SLC1A4: variants seen among roughly 807,000 people sequenced by gnomAD.
SLC1A4 encodes neutral amino acid transporter A.
Under a neutral mutation model 37.7 loss-of-function variants are expected in SLC1A4, and 19 were observed. The observed-to-expected ratio is 0.50, with a 90% CI of 0.35 to 0.74. SLC1A4 has a LOEUF of 0.74. Among genes scored for constraint, SLC1A4 ranks in the 30% least tolerant of loss-of-function variants. SLC1A4 has a pLI of 0.01. For synonymous variants in SLC1A4, 299 were observed against 309.8 expected, an observed-to-expected ratio of 0.97 and a Z score of 0.37; for missense variants, 570 against 712.9, an observed-to-expected ratio of 0.80 and a Z score of 2.28.
chr2:65,000,122 G>T (rs1673404631), intron 1 of SLC1A4: 1 of 152,186 alleles, frequency 6.6e-6, no homozygotes, highest in South Asian at 2.1e-4. Context: ...AAATTGTTAA[G>T]AATGATCCAG....
chr2:65,018,529 C>T lies in SLC1A4; in HGVS notation c.1230-16C>T. 1.2e-6 allele frequency: 2 copies of T among 1,613,710 alleles called. No individual in the cohort carries two copies. Among genetic ancestry groups the T allele is most frequent in the Non-Finnish European group, 1.7e-6 (2 of 1,179,822 alleles). On this transcript the variant is annotated splice_polypyrimidine_tract_variant and intron_variant, in intron 6 of 7. Coordinates refer to ENST00000234256, the MANE Select transcript of SLC1A4 (RefSeq NM_003038.5). The surrounding 1 kb of genome is among the most constrained non-coding windows in gnomAD (Gnocchi z 4.3). ...CGCTCTATGTTAATGGCTGGCCCTG[C>T]TCTGCCATCCCTTAGAGTGACTGCC...
Position 64,989,717 on chromosome 2 carries a change from C to A in SLC1A4, c.74C>A (p.Pro25Gln). ...QAGPAAGPGAPGTAAGRARRC... is the reference protein window; with the variant it reads ...QAGPAAGPGAQGTAAGRARRC... ...GGGCCTGCGGCCGGGCCCGGAGCTC[C>A]GGGGACCGCGGCGGGACGCGCACGG... is the stretch of plus-strand genomic sequence containing the variant. The change falls in exon 1 of 8, where the codon CCG becomes CAG. Residue 25 changes from proline (P) to glutamine (Q), a missense_variant. Transcript: ENST00000234256. The A allele has an allele frequency of 1.3e-6, 2 of 1,496,908 alleles. No homozygotes were observed. The highest frequency in any genetic ancestry group is 2.8e-5 in the East Asian group (1 of 35,806). 92.7% of individuals were successfully genotyped at this position (1,496,908 alleles called of 1,614,324 possible).
At chr2:64,989,341 G>C (rs922921612), upstream of SLC1A4, 1 of 262,122 alleles carries the variant, frequency 3.8e-6, no homozygotes, top group African/African-American at 2.2e-5. Context: ...GGCTGGGGCC[G>C]CTGGCGCGCC....
rs989190843 is a variant in SLC1A4 at position 65,010,616 on chromosome 2, T to C, written c.653T>C (p.Ile218Thr). The C allele has an allele frequency of 6.2e-7, 1 of 1,612,532 alleles. No individual in the cohort carries two copies. The highest frequency in any genetic ancestry group is 8.5e-7 in the Non-Finnish European group (1 of 1,179,234). Residue 218 changes from isoleucine to threonine, a missense_variant, in exon 4 of 8, where the codon ATA (isoleucine) becomes ACA (threonine). By Grantham distance (89) the Ile-to-Thr change is moderately conservative. Coordinates refer to ENST00000234256, the MANE Select transcript of SLC1A4 (RefSeq NM_003038.5). ...THEKIPIGTE[I>T]EGMNILGLVL... ...CTGCAGATCCCCATAGGCACTGAGA[T>C]AGAAGGGATGAACATTTTAGGATTG...
In SLC1A4 at chr2:65,018,680, G is replaced by T. The variant is rs1558529034; in HGVS notation, c.1364+1G>T. On this transcript the variant is annotated splice_donor_variant, in intron 7 of 7. Coordinates refer to ENST00000234256, the MANE Select transcript of SLC1A4 (RefSeq NM_003038.5). LOFTEE classifies it high-confidence loss of function. The surrounding 1 kb of genome is among the most constrained non-coding windows in gnomAD (Gnocchi z 4.3). Reference sequence around the variant, plus strand: ...TGATCCTGGCTGTGGACTGGATTGTGTAAGTAACAAGTCCTGAGAACACCA... The same window carrying T: ...TGATCCTGGCTGTGGACTGGATTGTTTAAGTAACAAGTCCTGAGAACACCA... 6.2e-7 allele frequency: 1 copy of T among 1,614,140 alleles called. No homozygotes were observed. The highest frequency in any genetic ancestry group is 8.5e-7 in the Non-Finnish European group (1 of 1,180,010).
chr2:64,999,599 C>T (rs1021428588), intron 1 of SLC1A4: 2 of 151,958 alleles, frequency 1.3e-5, no homozygotes, highest in Non-Finnish European at 2.9e-5. Context: ...AGGCTGCAAT[C>T]GGAGGTGTTG....
At chr2:65,014,573 A>G (rs1306455330) in intron 4 of SLC1A4, among the ~76,000 whole-genome samples, 1 of 152,228 alleles carries the variant, frequency 6.6e-6, no homozygotes, top group Admixed American at 6.5e-5. Context: ...TATGACAACC[A>G]AACTGTCTTC....
At chr2:65,004,483 T>G (rs1433717460) in intron 3 of SLC1A4, among the ~76,000 whole-genome samples, 1 of 151,908 alleles carries the variant, frequency 6.6e-6, no homozygotes, top group Non-Finnish European at 1.5e-5. Context: ...GACAAGAGTT[T>G]CACCATGTTG....
At chr2:65,015,726 T>C (rs958460606) in intron 4 of SLC1A4, among the ~76,000 whole-genome samples, 8 of 152,234 alleles carry the variant, frequency 5.3e-5, no homozygotes, top group Admixed American at 1.3e-4. Flanking sequence ...TTTGTACCCC[T>C]TGAAATTTGA....
At chr2:64,995,100 C>T (rs1673202669) in intron 1 of SLC1A4, among the ~76,000 whole-genome samples, 2 of 152,168 alleles carry the variant, frequency 1.3e-5, no homozygotes, top group Non-Finnish European at 2.9e-5. Context: ...AAGGTTCTCA[C>T]TCTTGACCAT....
At chr2:65,005,726 G>T (rs2103654803) in intron 3 of SLC1A4, among the ~76,000 whole-genome samples, 1 of 152,348 alleles carries the variant, frequency 6.6e-6, no homozygotes, top group African/African-American at 2.4e-5. Flanking sequence ...AGGTGCAGTG[G>T]CTTACGCCTA....
upstream of SLC1A4, chr2:64,989,284 G>A (rs1672939941): frequency 5.7e-6 from 1 of 176,486 alleles, no homozygotes. Context: ...CCCGGGCTGT[G>A]ATTGGCCAGC....
At chr2:65,012,765 G>A (rs771888347) in intron 4 of SLC1A4, among the ~76,000 whole-genome samples, 1 of 152,218 alleles carries the variant, frequency 6.6e-6, no homozygotes, top group Non-Finnish European at 1.5e-5. Flanking sequence ...TGGGGCAGGC[G>A]CAGTGGCTCA....
Position 64,989,625 on chromosome 2 carries a change from CGGAGCGGCGT to C in SLC1A4, c.-17_-8del. 6.8e-7 allele frequency: 1 copy of C among 1,478,536 alleles called. No homozygotes were observed. The highest frequency in any genetic ancestry group is 8.9e-7 in the Non-Finnish European group (1 of 1,120,742). 91.6% of individuals were successfully genotyped at this position (1,478,536 alleles called of 1,614,324 possible). On this transcript the variant is annotated 5_prime_UTR_variant, in exon 1 of 8. Coordinates refer to ENST00000234256, the MANE Select transcript of SLC1A4 (RefSeq NM_003038.5). ...CCCACGTCCCCTGCCACCTCTAGCT[CGGAGCGGCGT>C]GTAGCGCCATGGAGAAGAGCAACGA...
chr2:64,988,508 C>G (rs1672891837), upstream of SLC1A4: 1 of 152,360 alleles, frequency 6.6e-6, no homozygotes, highest in Non-Finnish European at 1.5e-5. Flanking sequence ...GGCGGGCGAC[C>G]CAGCCCCATC....
rs748155141 is a variant in SLC1A4, at chr2:65,018,226, A to G, written c.1190A>G (p.Asn397Ser). The G allele has an allele frequency of 1.9e-6, 3 of 1,614,068 alleles. No homozygotes were observed. The highest frequency in any genetic ancestry group is 2.7e-5 in the African/African-American group (2 of 74,918). ...CVAAVFIAQL[N>S]NVELNAGQIF... The stretch of plus-strand genomic sequence containing the variant: ...GCCGCGGTGTTCATTGCGCAACTCA[A>G]CAACGTAGAGCTCAACGCAGGACAG... Residue 397 changes from asparagine to serine, a missense_variant, in exon 6 of 8, where the codon AAC (asparagine) becomes AGC (serine). By Grantham distance (46) the Asn-to-Ser change is conservative. Transcript: ENST00000234256. This position sits in a 1 kb window ranked among gnomAD's most constrained non-coding sequence, Gnocchi z 4.3.
At chr2:64,992,237 G>C (rs1195058096) in intron 1 of SLC1A4, among the ~76,000 whole-genome samples, 1 of 152,202 alleles carries the variant, frequency 6.6e-6, no homozygotes, top group African/African-American at 2.4e-5. Context: ...AGCCTCAATA[G>C]GATCTTTTAA....
intron 4 of SLC1A4, chr2:65,011,543 C>T (rs1161494002): frequency 6.6e-6 from 1 of 152,068 alleles, no homozygotes; most frequent in Non-Finnish European, 1.5e-5. Flanking sequence ...GCTGGAATTA[C>T]AGGTGTGAGC....
Position 65,016,441 on chromosome 2 carries a change from T to A in SLC1A4, c.802T>A (p.Tyr268Asn). Reference sequence around the variant, plus strand: ...GAGTACCCTGTGCTTGTGCCCTAGGTACGTACCTGTGGGCATCATGTTCCT... The same window carrying A: ...GAGTACCCTGTGCTTGTGCCCTAGGAACGTACCTGTGGGCATCATGTTCCT... The part of the protein sequence containing the change: ...TMVLVSWIMW[Y>N]VPVGIMFLVG... The change falls in exon 5 of 8, where the codon TAC becomes AAC. Residue 268 changes from tyrosine (Y) to asparagine (N), a missense_variant and splice_region_variant. Tyr to Asn is a moderately radical substitution (Grantham distance 143). Transcript: ENST00000234256. The A allele has an allele frequency of 6.2e-7, 1 of 1,613,474 alleles. No homozygotes were observed. Among genetic ancestry groups the A allele is most frequent in the Non-Finnish European group, 8.5e-7 (1 of 1,179,404 alleles).
Sources: gnomAD v4.1 joint callset for allele counts (sites outside exome capture counted in the v4.1 genomes callset) on GRCh38, gnomAD v4.1.1 for gene constraint, Gnocchi (gnomAD v3.1) non-coding constraint, MANE v1.5 for transcripts, NCBI Gene and HGNC (gene_info 2026-07-23, HGNC 2026-07-21) for gene names.